ANGPTL5: variants seen among roughly 807,000 people sequenced by gnomAD.
The protein encoded by ANGPTL5 is angiopoietin like 5.
ANGPTL5 carries 34 observed loss-of-function variants against 39.4 expected under a neutral mutation model. The observed-to-expected ratio is 0.86, with a 90% CI of 0.66 to 1.15. The LOEUF (loss-of-function observed/expected upper bound fraction) is 1.15. Ranked by LOEUF, ANGPTL5 falls within the 50% of genes most tolerant of loss-of-function variation. The pLI is 0.00. For missense variants in ANGPTL5, 467 were observed against 457.5 expected, an observed-to-expected ratio of 1.02 and a Z score of -0.19; for synonymous variants, 146 against 152.1, an observed-to-expected ratio of 0.96 and a Z score of 0.29.
At chr11:101,892,761 C>T (rs10501993) in intron 8 of ANGPTL5, among the ~76,000 whole-genome samples, 8,383 of 152,236 alleles carry the variant, frequency 0.055, 529 homozygotes, top group East Asian at 0.31. Context: ...CATATGCAAT[C>T]TGTGGAGAAA....
chr11:101,896,448 G>T lies in ANGPTL5; in HGVS notation c.662-1384C>A, dbSNP rs185427799. Among the ~76,000 whole-genome samples, 81 of 152,098 alleles carry T rather than the reference G, an allele frequency of 5.3e-4. No individual in the cohort carries two copies. The East Asian group carries it at 0.013, about 25-fold the overall frequency. On this transcript the variant is annotated intron_variant, in intron 7 of 8. Coordinates refer to ENST00000334289, the MANE Select transcript of ANGPTL5 (RefSeq NM_178127.5). ...AGATATACATGTGGCATGGTGATTCGCTGCACCCATGAACTCGTTATCTAC... is the reference window on the plus strand; with the variant it reads ...AGATATACATGTGGCATGGTGATTCTCTGCACCCATGAACTCGTTATCTAC...
chr11:101,902,265 C>T (rs893473791), intron 6 of ANGPTL5, among the ~76,000 whole-genome samples: 1 of 152,090 alleles, frequency 6.6e-6, no homozygotes, highest in Non-Finnish European at 1.5e-5. Flanking sequence ...TTTCCAATAT[C>T]CACAGGCTAA....
chr11:101,894,803 T>C (rs1788348787), intron 8 of ANGPTL5, 76 bp downstream of exon 8: 4 of 1,347,776 alleles, frequency 3.0e-6, no homozygotes, highest in Non-Finnish European at 4.2e-6. Context: ...GACAAATGCA[T>C]TATTTTTATC....
chr11:101,908,319 A>G (rs1783740), intron 1 of ANGPTL5, among the ~76,000 whole-genome samples: 50,197 of 152,082 alleles, frequency 0.33, 9,033 homozygotes, highest in East Asian at 0.46. Flanking sequence ...TTGATAAGCT[A>G]TACATCAATA....
chr11:101,891,640 C>T (rs773605499), intron 8 of ANGPTL5, 42 bp from the exon 9 acceptor site: 26 of 1,561,320 alleles, frequency 1.7e-5, no homozygotes, highest in Non-Finnish European at 1.9e-5. Flanking sequence ...AAGGAAATTT[C>T]TATTATTTTA....
chr11:101,897,354 G>T (rs919633948), intron 7 of ANGPTL5, among the ~76,000 whole-genome samples: 1 of 152,118 alleles, frequency 6.6e-6, no homozygotes, highest in South Asian at 2.1e-4. Context: ...GAGCTCTTTA[G>T]TTTAATCAGA....
At chr11:101,914,061 C>T (rs548741216) in intron 1 of ANGPTL5, among the ~76,000 whole-genome samples, 1 of 152,248 alleles carries the variant, frequency 6.6e-6, no homozygotes, top group South Asian at 2.1e-4. Flanking sequence ...GTCATTGCAA[C>T]CAAGTTTGCA....
At chr11:101,894,828 A>G (rs771358332) in intron 8 of ANGPTL5, 51 bp downstream of exon 8, 1 of 1,451,324 alleles carries the variant, frequency 6.9e-7, no homozygotes. Flanking sequence ...CTTAATAATG[A>G]GTCAGTTATA....
Position 101,894,893 on chromosome 11 carries a change from T to TACCG in ANGPTL5, c.829_832dup (p.Tyr278SerfsTer8). 1 of 1,612,938 alleles carries TACCG rather than the reference T, an allele frequency of 6.2e-7. No individual in the cohort carries two copies. The highest frequency in any genetic ancestry group is 8.5e-7 in the Non-Finnish European group (1 of 1,179,114). ...AAAAATCTTACCAGCATTTCCTGAA[T>TACCG]ACCGTCCTAAGTGCATTTTAAAAAA... On this transcript the variant is annotated frameshift_variant, in exon 8 of 9. Coordinates refer to ENST00000334289, the MANE Select transcript of ANGPTL5 (RefSeq NM_178127.5). LOFTEE classifies it low-confidence loss of function (END_TRUNC).
intron 1 of ANGPTL5, among the ~76,000 whole-genome samples, chr11:101,908,780 C>CAAAAAAAAAAAAAAAAAAA (rs59041644): frequency 4.6e-5 from 3 of 64,986 alleles, no homozygotes; most frequent in Admixed American, 1.8e-4. Context: ...GACTCCATCT[C>CAAAAAAAAAAAAAAAAAAA]AAAAAAAAAA....
In ANGPTL5 at chr11:101,916,179, T is replaced by C. The variant is rs1358647400; in HGVS notation, c.-253A>G. On this transcript the variant is annotated 5_prime_UTR_variant, in exon 1 of 9. Transcript: ENST00000334289. ...CTTGGTTGGCAATGATGGTGTTGTG[T>C]AATCATCTTCAGTCTTGTCAGAGAT... 1 of 152,274 alleles carries C rather than the reference T, an allele frequency of 6.6e-6. No homozygotes were observed. The highest frequency in any genetic ancestry group is 1.5e-5 in the Non-Finnish European group (1 of 68,054). 9.4% of individuals were successfully genotyped at this position (152,274 alleles called of 1,614,324 possible).
rs1486486500 is a variant in ANGPTL5, at chr11:101,891,138, T to C, written c.*141A>G. 1.4e-6 allele frequency: 1 copy of C among 731,774 alleles called. No individual in the cohort carries two copies. Among genetic ancestry groups the C allele is most frequent in the Non-Finnish European group, 2.1e-6 (1 of 471,900 alleles). 45.3% of individuals were successfully genotyped at this position (731,774 alleles called of 1,614,324 possible). On this transcript the variant is annotated 3_prime_UTR_variant, in exon 9 of 9. Coordinates refer to ENST00000334289, the MANE Select transcript of ANGPTL5 (RefSeq NM_178127.5). ...ATAGAATACTACAAAATTGAAGTTT[T>C]CTAATTAAACTCATAACATCTAAAT...
intron 1 of ANGPTL5, among the ~76,000 whole-genome samples, chr11:101,908,780 C>CAAAAAA (rs59041644): frequency 3.1e-4 from 20 of 64,974 alleles, no homozygotes; most frequent in African/African-American, 9.4e-4. Flanking sequence ...GACTCCATCT[C>CAAAAAA]AAAAAAAAAA....
intron 5 of ANGPTL5, among the ~76,000 whole-genome samples, chr11:101,904,113 A>C (rs550501304): frequency 5.5e-4 from 83 of 152,252 alleles, no homozygotes; most frequent in African/African-American, 1.9e-3. Flanking sequence ...CAGTTATGAG[A>C]TATAATAAAA....
At chr11:101,914,193 C>A (rs1336307581) in intron 1 of ANGPTL5, among the ~76,000 whole-genome samples, 4 of 152,196 alleles carry the variant, frequency 2.6e-5, no homozygotes, top group African/African-American at 4.8e-5. Context: ...TTGGTCTGTA[C>A]TTTCTGCTTC....
intron 6 of ANGPTL5, among the ~76,000 whole-genome samples, chr11:101,901,104 C>G (rs1334004325): frequency 6.7e-6 from 1 of 149,474 alleles, no homozygotes; most frequent in Non-Finnish European, 1.5e-5. Flanking sequence ...GTCTCGATCT[C>G]CTGACCTCGT....
In ANGPTL5 at chr11:101,899,206, T is replaced by C. The variant is rs538617990; in HGVS notation, c.661+1224A>G. Among the ~76,000 whole-genome samples the C allele has an allele frequency of 2.6e-5, 4 of 152,368 alleles. No individual in the cohort carries two copies. The East Asian group carries it at 7.7e-4, about 29-fold the overall frequency. ...CTCTTTTTCCTACTGGTTGGAATAG[T>C]TTCAGAAAGAATGGCACCAGCTCTT... On this transcript the variant is annotated intron_variant, in intron 7 of 8. Transcript: ENST00000334289.
intron 1 of ANGPTL5, among the ~76,000 whole-genome samples, chr11:101,913,834 G>A (rs1011345654): frequency 2.6e-5 from 4 of 152,194 alleles, no homozygotes; most frequent in African/African-American, 4.8e-5. Flanking sequence ...ACAGCAGTGG[G>A]AATAGAATCA....
At position 101,900,481 on chromosome 11, in the gene ANGPTL5, CA is replaced by C. The variant is rs756780013; in HGVS notation, c.609del (p.Ile203MetfsTer18). The C allele has an allele frequency of 3.7e-6, 6 of 1,613,282 alleles. No individual in the cohort carries two copies. The African/African-American group carries it at 6.7e-5, about 18-fold the overall frequency. ...TVIQKRIDGI[I>X]DFQRLWCDYL... ...TAATCACACCACAACCTCTGGAAAT[CA>C]ATTATCCCATCAATTCTTTTCTGTA... On this transcript the variant is annotated frameshift_variant, in exon 7 of 9. Transcript: ENST00000334289. LOFTEE classifies it high-confidence loss of function.
Sources: allele counts gnomAD v4.1 joint callset (sites outside exome capture counted in the v4.1 genomes callset), GRCh38; gene constraint gnomAD v4.1.1; transcripts MANE v1.5; gene names NCBI Gene and HGNC (gene_info 2026-07-23, HGNC 2026-07-21).